PTPRD: variants seen among roughly 807,000 people sequenced by gnomAD.
PTPRD encodes the protein protein tyrosine phosphatase receptor type D.
In PTPRD, 34 loss-of-function variants were observed where a neutral mutation model predicts 214.5. That is an observed-to-expected ratio of 0.16 (90% CI 0.12 to 0.21). PTPRD has a LOEUF of 0.21. Among genes scored for constraint, PTPRD ranks in the 10% least tolerant of loss-of-function variants. The pLI, the probability that PTPRD is intolerant of heterozygous loss-of-function variation, is 1.00. For synonymous variants in PTPRD, 1,128 were observed against 845.7 expected, an observed-to-expected ratio of 1.33 and a Z score of -5.79; for missense variants, 2,545 against 2,398.7, an observed-to-expected ratio of 1.06 and a Z score of -1.27.
chr9:8,925,370 G>A (rs1227054127), intron 11 of PTPRD, among the ~76,000 whole-genome samples: 1 of 151,948 alleles, frequency 6.6e-6, no homozygotes, highest in Non-Finnish European at 1.5e-5. Context: ...TAGTCTCCCA[G>A]GTTTAAAATA....
chr9:10,127,714 A>G (rs1193581278), intron 3 of PTPRD, among the ~76,000 whole-genome samples: 2 of 152,018 alleles, frequency 1.3e-5, no homozygotes, highest in Non-Finnish European at 2.9e-5. Flanking sequence ...AACCTCTTCC[A>G]TTTTCCCACT....
In PTPRD at chr9:8,507,423, G is replaced by T; in HGVS notation, c.1555C>A (p.Pro519Thr). The change falls in exon 22 of 46, where the codon CCA (proline) becomes ACA (threonine). Residue 519 changes from proline (P) to threonine (T), a missense_variant. Pro to Thr is a conservative substitution (Grantham distance 38, BLOSUM62 -1). Transcript: ENST00000381196. ...VITQTGVPGQPLNFKAEPESE... is the reference protein window; with the variant it reads ...VITQTGVPGQTLNFKAEPESE... ...TCAGGTTCTGCTTTGAAGTTTAGTG[G>T]CTGCCCTGGTACTAAAAACAGGGAG... is the stretch of plus-strand genomic sequence containing the variant. 1 of 1,613,884 alleles carries T rather than the reference G, an allele frequency of 6.2e-7. No homozygotes were observed. Among genetic ancestry groups the T allele is most frequent in the Non-Finnish European group, 8.5e-7 (1 of 1,179,812 alleles).
chr9:9,425,493 T>C (rs1284934085), intron 8 of PTPRD, among the ~76,000 whole-genome samples: 1 of 148,694 alleles, frequency 6.7e-6, no homozygotes, highest in Non-Finnish European at 1.5e-5. Flanking sequence ...GGTGCAAAAG[T>C]AATTGTGGGT....
chr9:9,950,176 C>G (rs945586257), intron 4 of PTPRD, among the ~76,000 whole-genome samples: 3 of 152,118 alleles, frequency 2.0e-5, no homozygotes, highest in Non-Finnish European at 4.4e-5. Flanking sequence ...TTTATGCTGA[C>G]CTAACCTGAT....
At chr9:8,858,818 C>CACACACACACACAT (rs2098023324) in intron 11 of PTPRD, among the ~76,000 whole-genome samples, 1 of 146,442 alleles carries the variant, frequency 6.8e-6, no homozygotes, top group African/African-American at 2.7e-5. Flanking sequence ...CACACACACA[C>CACACACACACACAT]ACACACACAC....
intron 5 of PTPRD, among the ~76,000 whole-genome samples, chr9:9,836,490 A>G (rs1342870424): frequency 6.6e-6 from 1 of 152,134 alleles, no homozygotes; most frequent in African/African-American, 2.4e-5. Flanking sequence ...CCTGACTACT[A>G]CCACTGATAA....
chr9:9,768,094 C>T (rs1255207907), intron 5 of PTPRD, among the ~76,000 whole-genome samples: 3 of 152,092 alleles, frequency 2.0e-5, no homozygotes, highest in Non-Finnish European at 4.4e-5. Context: ...TGGTTTTATA[C>T]ATATATAAAA....
At chr9:10,472,661 G>C (rs1291090862) in intron 2 of PTPRD, among the ~76,000 whole-genome samples, 1 of 151,954 alleles carries the variant, frequency 6.6e-6, no homozygotes, top group Non-Finnish European at 1.5e-5. Flanking sequence ...CCAATGCCTG[G>C]AAAAATCCTA....
intron 5 of PTPRD, among the ~76,000 whole-genome samples, chr9:9,931,633 G>A (rs143716076): frequency 0.09 from 13,611 of 151,204 alleles, 1,295 homozygotes; most frequent in East Asian, 0.27. Context: ...ACTGCAAGAC[G>A]GCAACGAGGC....
intron 9 of PTPRD, among the ~76,000 whole-genome samples, chr9:9,201,761 A>G (rs944700530): frequency 6.6e-6 from 1 of 152,324 alleles, no homozygotes; most frequent in East Asian, 1.9e-4. Context: ...ATTTAAATAA[A>G]CTGATTATTT....
chr9:8,693,886 G>C lies in PTPRD; in HGVS notation c.64+39894C>G, dbSNP rs80023845. The stretch of plus-strand genomic sequence containing the variant: ...TTGTAGGGTGACTTTTTTCTCTATA[G>C]ACTTGTTAATAGCCCTCAGATTTTC... On this transcript the variant is annotated intron_variant, in intron 12 of 45. Coordinates refer to ENST00000381196, the MANE Select transcript of PTPRD (RefSeq NM_002839.4). Among the ~76,000 whole-genome samples the C allele has an allele frequency of 4.5e-3, 688 of 152,296 alleles. 1 individual carries two copies. Among genetic ancestry groups the C allele is most frequent in the African/African-American group, 0.015 (629 of 41,568 alleles).
At chr9:10,576,919 T>C (rs1414726255) in intron 2 of PTPRD, among the ~76,000 whole-genome samples, 1 of 152,156 alleles carries the variant, frequency 6.6e-6, no homozygotes. Context: ...ATTTAATATG[T>C]TCATGTGGCC....
intron 7 of PTPRD, among the ~76,000 whole-genome samples, chr9:9,714,720 T>C (rs535038086): frequency 2.6e-5 from 4 of 152,214 alleles, no homozygotes; most frequent in African/African-American, 9.6e-5. Flanking sequence ...TAGCTGTGAG[T>C]TCTCTGCTGA....
chr9:9,618,394 A>T (rs991384043), intron 7 of PTPRD, among the ~76,000 whole-genome samples: 1 of 152,070 alleles, frequency 6.6e-6, no homozygotes, highest in Non-Finnish European at 1.5e-5. Flanking sequence ...TAAGAAAAAA[A>T]AAACAATAAT....
intron 8 of PTPRD, among the ~76,000 whole-genome samples, chr9:9,415,904 C>A (rs945346613): frequency 1.3e-5 from 2 of 152,036 alleles, no homozygotes; most frequent in African/African-American, 4.8e-5. Flanking sequence ...CCAGGGAGGA[C>A]AGAGCATCAT....
At chr9:10,035,239 G>T (rs914319911) in intron 3 of PTPRD, among the ~76,000 whole-genome samples, 3 of 152,058 alleles carry the variant, frequency 2.0e-5, no homozygotes, top group African/African-American at 7.2e-5. Flanking sequence ...TTGGCCGCAT[G>T]TAGGTCTTCT....
intron 11 of PTPRD, among the ~76,000 whole-genome samples, chr9:8,788,066 CAA>C (rs1411586509): frequency 6.6e-6 from 1 of 151,976 alleles, no homozygotes; most frequent in Non-Finnish European, 1.5e-5. Context: ...TCCATTACAT[CAA>C]AATAAGGGAG....
chr9:8,641,379 G>A (rs1056102798), intron 12 of PTPRD, among the ~76,000 whole-genome samples: 2 of 148,424 alleles, frequency 1.3e-5, no homozygotes, highest in Non-Finnish European at 2.9e-5. Context: ...ATTATTTAGA[G>A]AGGCATCCTT....
intron 11 of PTPRD, among the ~76,000 whole-genome samples, chr9:8,942,602 G>C (rs2099040510): frequency 6.6e-6 from 1 of 152,130 alleles, no homozygotes; most frequent in South Asian, 2.1e-4. Context: ...TTCCATTGCA[G>C]TTATTAAAAG....
Sources: allele counts gnomAD v4.1 joint callset (sites outside exome capture counted in the v4.1 genomes callset), GRCh38; gene constraint gnomAD v4.1.1; transcripts MANE v1.5; gene names NCBI Gene and HGNC (gene_info 2026-07-23, HGNC 2026-07-21).